The following TTLL9 variants were observed in gnomAD, a reference collection of about 807,000 sequenced individuals.
The protein encoded by TTLL9 is probable tubulin polyglutamylase TTLL9.
TTLL9 carries 47 observed loss-of-function variants against 65.6 expected under a neutral mutation model. The observed-to-expected ratio is 0.72, with a 90% confidence interval of 0.57 to 0.91. The LOEUF (loss-of-function observed/expected upper bound fraction) is 0.91. Among genes scored for constraint, TTLL9 ranks in the 40% least tolerant of loss-of-function variants. The pLI is 0.00. For synonymous variants in TTLL9, 179 were observed against 204.8 expected (o/e 0.87, Z 1.07); for missense variants, 537 against 568.8 (o/e 0.94, Z 0.57).
At chr20:31,881,569 A>G (rs1278098698) in intron 2 of TTLL9, among the ~76,000 whole-genome samples, 1 of 148,460 alleles carries the variant, frequency 6.7e-6, no homozygotes, top group Non-Finnish European at 1.5e-5. Flanking sequence ...AAAAATTAAT[A>G]CTCTTTAAAT....
chr20:31,894,098 CTTTTTTTTTTTT>C (rs1162101774), intron 3 of TTLL9, among the ~76,000 whole-genome samples: 1 of 92,084 alleles, frequency 1.1e-5, no homozygotes, highest in Non-Finnish European at 2.1e-5. Flanking sequence ...CCATTTGGTT[CTTTTTTTTTTTT>C]TTTTTTTTTT....
At chr20:31,894,167 G>A (rs1454618053) in intron 3 of TTLL9, among the ~76,000 whole-genome samples, 9 of 142,996 alleles carry the variant, frequency 6.3e-5, no homozygotes, top group African/African-American at 1.3e-4. Context: ...GCAGTGGTGC[G>A]ATCATGGCTC....
At position 31,938,167 on chromosome 20, in the gene TTLL9, C is replaced by T. The variant is rs73903691; in HGVS notation, c.1118+658C>T. Reference sequence around the variant, plus strand: ...TCTTTCCTCTGTATTAGCTTTTCCCCGATTATTCCAGCAGAAGTTTGAGGG... The same window carrying T: ...TCTTTCCTCTGTATTAGCTTTTCCCTGATTATTCCAGCAGAAGTTTGAGGG... On this transcript the variant is annotated intron_variant, in intron 13 of 14. Transcript: ENST00000535842. The T allele has an allele frequency of 4.7e-3, 2,142 of 451,360 alleles. 40 individuals carry two copies. Among genetic ancestry groups the T allele is most frequent in the African/African-American group, 0.04 (1,928 of 48,520 alleles). 28.0% of individuals were successfully genotyped at this position (451,360 alleles called of 1,614,324 possible).
chr20:31,942,354 C>T (rs2064224716), intron 14 of TTLL9, among the ~76,000 whole-genome samples: 2 of 152,182 alleles, frequency 1.3e-5, no homozygotes, highest in African/African-American at 2.4e-5. Context: ...AGCCTCAGCA[C>T]GAACTGCCTG....
At chr20:31,898,132 A>C (rs1311466579) in intron 3 of TTLL9, among the ~76,000 whole-genome samples, 1 of 152,182 alleles carries the variant, frequency 6.6e-6, no homozygotes, top group African/African-American at 2.4e-5. Flanking sequence ...AATAGGAAAA[A>C]GTACATCTGC....
At chr20:31,915,756 G>GT (rs903814679) in intron 6 of TTLL9, among the ~76,000 whole-genome samples, 5 of 151,882 alleles carry the variant, frequency 3.3e-5, no homozygotes, top group East Asian at 3.9e-4. Flanking sequence ...AAGGGTGTGT[G>GT]TTTTTTTTCA....
intron 4 of TTLL9, among the ~76,000 whole-genome samples, chr20:31,906,505 TTCC>T (rs2063561821): frequency 1.3e-5 from 2 of 152,216 alleles, no homozygotes; most frequent in Non-Finnish European, 2.9e-5. Context: ...TCAGGGCCTC[TTCC>T]TTCATCATCC....
chr20:31,898,581 C>T lies in TTLL9; in HGVS notation c.206+16C>T. 2.5e-6 allele frequency: 4 copies of T among 1,609,406 alleles called. No individual in the cohort carries two copies. The highest frequency in any genetic ancestry group is 1.7e-6 in the Non-Finnish European group (2 of 1,175,862). Reference sequence around the variant, plus strand: ...AAGTGAAGGAGTAAGACCCTCCCCCCAGCCTTGTCCCTCCTTCCCTTTGTC... The same window carrying T: ...AAGTGAAGGAGTAAGACCCTCCCCCTAGCCTTGTCCCTCCTTCCCTTTGTC... On this transcript the variant is annotated intron_variant, in intron 4 of 14. Transcript: ENST00000535842.
intron 2 of TTLL9, among the ~76,000 whole-genome samples, chr20:31,871,604 T>C (rs939532937): frequency 1.3e-5 from 2 of 152,174 alleles, no homozygotes; most frequent in Admixed American, 6.5e-5. Context: ...AATACAGTGA[T>C]TGGAGAAAAA....
intron 6 of TTLL9, among the ~76,000 whole-genome samples, chr20:31,910,386 C>G (rs1391420640): frequency 6.6e-6 from 1 of 152,146 alleles, no homozygotes; most frequent in Non-Finnish European, 1.5e-5. Context: ...GGGTCTGTGC[C>G]CTTTTTGCAG....
At chr20:31,880,158 T>C (rs1050116872) in intron 2 of TTLL9, among the ~76,000 whole-genome samples, 3 of 152,156 alleles carry the variant, frequency 2.0e-5, no homozygotes, top group Non-Finnish European at 4.4e-5. Flanking sequence ...CCCGGCCAGC[T>C]GGCGGGAAGT....
chr20:31,875,327 T>G (rs994275890), intron 2 of TTLL9, among the ~76,000 whole-genome samples: 1 of 152,188 alleles, frequency 6.6e-6, no homozygotes, highest in Non-Finnish European at 1.5e-5. Flanking sequence ...TTATTATTAT[T>G]ATTACCATTG....
At chr20:31,920,016 C>T in intron 7 of TTLL9, 84 bp downstream of exon 7, 2 of 1,259,440 alleles carry the variant, frequency 1.6e-6, no homozygotes, top group Non-Finnish European at 2.1e-6. Context: ...GCAATCAAAG[C>T]TCAGAGGGCT....
chr20:31,873,647 CA>C (rs1364960504), intron 2 of TTLL9, among the ~76,000 whole-genome samples: 2 of 87,130 alleles, frequency 2.3e-5, no homozygotes, highest in Admixed American at 1.4e-4. Flanking sequence ...GAGACCCTGT[CA>C]AAAAAAAAGA....
intron 2 of TTLL9, among the ~76,000 whole-genome samples, chr20:31,886,607 G>A (rs2063191407): frequency 6.6e-6 from 1 of 152,160 alleles, no homozygotes; most frequent in African/African-American, 2.4e-5. Flanking sequence ...ATCACCTGAG[G>A]TCAGGAGTTC....
chr20:31,900,109 C>T (rs2063454815), intron 4 of TTLL9, among the ~76,000 whole-genome samples: 1 of 151,968 alleles, frequency 6.6e-6, no homozygotes, highest in South Asian at 2.1e-4. Context: ...CTACATTTTC[C>T]CAAGTAAATG....
chr20:31,943,346 A>T lies in TTLL9; in HGVS notation c.*325A>T, dbSNP rs781653191. The T allele has an allele frequency of 8.3e-5, 32 of 384,668 alleles. No individual in the cohort carries two copies. Among genetic ancestry groups the T allele is most frequent in the Middle Eastern group, 7.7e-4 (1 of 1,292 alleles). 23.8% of individuals were successfully genotyped at this position (384,668 alleles called of 1,614,324 possible). On this transcript the variant is annotated 3_prime_UTR_variant, in exon 15 of 15. Coordinates refer to ENST00000535842, the MANE Select transcript of TTLL9 (RefSeq NM_001008409.5). Reference sequence around the variant, plus strand: ...CCCAGGAGATCATATCTAATAAATGAGCACAGGCCCTACTTGGAGTCACTG... The same window carrying T: ...CCCAGGAGATCATATCTAATAAATGTGCACAGGCCCTACTTGGAGTCACTG...
At chr20:31,895,081 G>T (rs1335412509) in intron 3 of TTLL9, among the ~76,000 whole-genome samples, 1 of 152,140 alleles carries the variant, frequency 6.6e-6, no homozygotes, top group Non-Finnish European at 1.5e-5. Context: ...TTTTATTTGG[G>T]AATAATATAC....
At chr20:31,937,927 G>A (rs2123641571) in intron 13 of TTLL9, among the ~76,000 whole-genome samples, 1 of 149,938 alleles carries the variant, frequency 6.7e-6, no homozygotes, top group East Asian at 2.0e-4. Flanking sequence ...CAAAGCTATT[G>A]TTTTAACAAT....
Sources: gnomAD v4.1 joint callset for allele counts (sites outside exome capture counted in the v4.1 genomes callset) on GRCh38, gnomAD v4.1.1 for gene constraint, MANE v1.5 for transcripts, NCBI Gene and HGNC (gene_info 2026-07-23, HGNC 2026-07-21) for gene names.